Variants in RTF1 observed in about 807,000 individuals in gnomAD.
RTF1 encodes the protein RNA polymerase-associated protein RTF1 homolog.
In RTF1, 10 loss-of-function variants were observed where a neutral mutation model predicts 95.7. That is an observed-to-expected ratio of 0.10 (90% CI 0.06 to 0.18). RTF1 has a LOEUF of 0.18. RTF1 is among the 10% of genes least tolerant of loss of function. The pLI, the probability that RTF1 is intolerant of heterozygous loss-of-function variation, is 1.00. For missense variants in RTF1, 458 were observed against 875.6 expected (o/e 0.52, Z 6.02); for synonymous variants, 305 against 311.8 (o/e 0.98, Z 0.23).
In RTF1 at chr15:41,425,049, C is replaced by T. The variant is rs1192798319; in HGVS notation, c.198+7736C>T. Among the ~76,000 whole-genome samples the T allele has an allele frequency of 5.9e-5, 9 of 152,140 alleles. No individual in the cohort carries two copies. The South Asian group carries it at 1.9e-3, about 32-fold the overall frequency. On this transcript the variant is annotated intron_variant, in intron 1 of 17. Coordinates refer to ENST00000389629, the MANE Select transcript of RTF1 (RefSeq NM_015138.5). ...AAAAAAATTTAAAGCCACTGGAGGG[C>T]GTCAGCCTCCCCGGTGGCTGGGACT...
At chr15:41,417,344 C>A (rs2050576387) in intron 1 of RTF1, 31 bp downstream of exon 1, 1 of 1,245,300 alleles carries the variant, frequency 8.0e-7, no homozygotes, top group Admixed American at 4.2e-5. Flanking sequence ...CGCGGGCCGG[C>A]GGAGCCAGAG....
intron 2 of RTF1, among the ~76,000 whole-genome samples, chr15:41,447,532 G>A (rs879738397): frequency 6.6e-6 from 1 of 152,186 alleles, no homozygotes; most frequent in Non-Finnish European, 1.5e-5. Flanking sequence ...GAGTCAAACT[G>A]CTGATCTCTG....
intron 1 of RTF1, among the ~76,000 whole-genome samples, chr15:41,418,027 C>T (rs1332415440): frequency 6.6e-6 from 1 of 152,144 alleles, no homozygotes; most frequent in African/African-American, 2.4e-5. Context: ...CCCAGGCCTC[C>T]TCTTGGCCCT....
At chr15:41,417,664 T>C (rs2050578527) in intron 1 of RTF1, among the ~76,000 whole-genome samples, 1 of 152,002 alleles carries the variant, frequency 6.6e-6, no homozygotes, top group African/African-American at 2.4e-5. Flanking sequence ...AGATAGGAAG[T>C]ATCGCCCGCC....
In RTF1 at chr15:41,457,550, T is replaced by C. The variant is rs1157188890; in HGVS notation, c.458-122T>C. 2.3e-5 allele frequency: 21 copies of C among 905,714 alleles called. No individual in the cohort carries two copies. The South Asian group carries it at 3.4e-4, about 15-fold the overall frequency. 56.1% of individuals were successfully genotyped at this position (905,714 alleles called of 1,614,324 possible). A position where few individuals can be genotyped will look rare whatever the true frequency, so the allele number is the denominator to read the frequency against. ...CAAAAAAAAAGTAAAAACAAATAAG[T>C]AAAATAACAAACTGGTTTCTTACTG... On this transcript the variant is annotated intron_variant, in intron 3 of 17. Transcript: ENST00000389629.
At chr15:41,455,514 A>T (rs2050808951) in intron 3 of RTF1, among the ~76,000 whole-genome samples, 1 of 152,020 alleles carries the variant, frequency 6.6e-6, no homozygotes, top group South Asian at 2.1e-4. Flanking sequence ...GCATAGAATG[A>T]TATAATGGGG....
chr15:41,449,604 A>G (rs1288652183), intron 2 of RTF1, among the ~76,000 whole-genome samples: 1 of 151,546 alleles, frequency 6.6e-6, no homozygotes, highest in African/African-American at 2.4e-5. Flanking sequence ...TGGCCTCCCA[A>G]AGTGCTGGGA....
chr15:41,472,716 T>A (rs901143708), intron 8 of RTF1, among the ~76,000 whole-genome samples: 1 of 151,278 alleles, frequency 6.6e-6, no homozygotes. Flanking sequence ...TTTTTTTTTT[T>A]TTTTAGACGG....
chr15:41,427,004 G>A (rs1490826975), intron 1 of RTF1, among the ~76,000 whole-genome samples: 1 of 145,760 alleles, frequency 6.9e-6, no homozygotes, highest in Non-Finnish European at 1.5e-5. Flanking sequence ...ACCACGCCCA[G>A]CTAATTTTTG....
chr15:41,461,313 C>T (rs560525362), intron 4 of RTF1, among the ~76,000 whole-genome samples: 210 of 152,232 alleles, frequency 1.4e-3, no homozygotes, highest in African/African-American at 5.0e-3. Context: ...TCCCAAAGTG[C>T]TGGGATTACA....
At position 41,433,763 on chromosome 15, in the gene RTF1, A is replaced by G. The variant is rs150325515; in HGVS notation, c.199-4558A>G. Among the ~76,000 whole-genome samples the G allele has an allele frequency of 2.6e-3, 397 of 152,282 alleles. 1 individual carries two copies. Among genetic ancestry groups the G allele is most frequent in the African/African-American group, 8.6e-3 (356 of 41,566 alleles). ...AAGTGAAGTAAAAACTAATGTTTAC[A>G]TAGAAGACTATACATGAACATACAA... is the stretch of plus-strand genomic sequence containing the variant. On this transcript the variant is annotated intron_variant, in intron 1 of 17. Coordinates refer to ENST00000389629, the MANE Select transcript of RTF1 (RefSeq NM_015138.5).
intron 14 of RTF1, among the ~76,000 whole-genome samples, chr15:41,478,231 T>C (rs1217562896): frequency 6.6e-6 from 1 of 152,054 alleles, no homozygotes; most frequent in Non-Finnish European, 1.5e-5. Flanking sequence ...CGAAACCCTG[T>C]CTCTACTAAA....
At chr15:41,464,182 A>G (rs912339397) in intron 4 of RTF1, among the ~76,000 whole-genome samples, 1 of 148,454 alleles carries the variant, frequency 6.7e-6, no homozygotes, top group South Asian at 2.2e-4. Context: ...TTGAGATGGA[A>G]TCTCACTCTG....
At chr15:41,468,184 A>ACTCCAGGTTGG (rs1566847276) in intron 6 of RTF1, among the ~76,000 whole-genome samples, 1 of 151,912 alleles carries the variant, frequency 6.6e-6, no homozygotes, top group African/African-American at 2.4e-5. Context: ...AAGAAAAAGA[A>ACTCCAGGTTGG]ATAATAACGT....
intron 1 of RTF1, among the ~76,000 whole-genome samples, chr15:41,429,406 C>A (rs759178187): frequency 4.6e-5 from 7 of 151,826 alleles, no homozygotes; most frequent in Non-Finnish European, 7.4e-5. Flanking sequence ...CCTGGCCCCT[C>A]TAGTCTGTTC....
intron 6 of RTF1, among the ~76,000 whole-genome samples, chr15:41,468,560 G>A (rs978894276): frequency 5.3e-5 from 8 of 152,016 alleles, no homozygotes; most frequent in South Asian, 4.1e-4. Context: ...CTTGTGATCC[G>A]CCCGCCTCGG....
intron 1 of RTF1, among the ~76,000 whole-genome samples, chr15:41,437,339 C>G (rs1466860591): frequency 7.3e-6 from 1 of 137,678 alleles, no homozygotes; most frequent in South Asian, 2.3e-4. Context: ...ACTAAAAATA[C>G]AAAAAAAAAA....
At chr15:41,480,099 T>G (rs1315356420) in intron 16 of RTF1, 115 bp from the exon 17 acceptor site, 4 of 671,372 alleles carry the variant, frequency 6.0e-6, no homozygotes, top group Non-Finnish European at 1.1e-5. Flanking sequence ...GAAAGGGGCC[T>G]TAGTAGGAAA....
chr15:41,468,008 T>C (rs2050888952), intron 6 of RTF1, among the ~76,000 whole-genome samples: 1 of 151,808 alleles, frequency 6.6e-6, no homozygotes, highest in African/African-American at 2.4e-5. Context: ...CTACTAAAAG[T>C]ACAAAAATTA....
Sources: gnomAD v4.1 joint callset for allele counts (sites outside exome capture counted in the v4.1 genomes callset) on GRCh38, gnomAD v4.1.1 for gene constraint, MANE v1.5 for transcripts, NCBI Gene and HGNC (gene_info 2026-07-23, HGNC 2026-07-21) for gene names.